Variants in CMTM4 observed in about 807,000 individuals in gnomAD.
The protein encoded by CMTM4 is CKLF-like MARVEL transmembrane domain-containing protein 4.
CMTM4 carries 8 observed loss-of-function variants against 19.0 expected under a neutral mutation model. The observed-to-expected ratio is 0.42, with a 90% CI of 0.25 to 0.76. The LOEUF (loss-of-function observed/expected upper bound fraction) is 0.76. CMTM4 is among the 30% of genes least tolerant of loss of function. The pLI is 0.27. For synonymous variants in CMTM4, 106 were observed against 121.1 expected (o/e 0.88, Z 0.82); for missense variants, 228 against 290.2 (o/e 0.79, Z 1.56).
At position 66,646,368 on chromosome 16, in the gene CMTM4, G is replaced by A. The variant is rs1596928036; in HGVS notation, c.187-9787C>T. Among the ~76,000 whole-genome samples the A allele has an allele frequency of 3.3e-5, 5 of 152,024 alleles. No individual in the cohort carries two copies. The South Asian group carries it at 1.0e-3, about 32-fold the overall frequency. On this transcript the variant is annotated intron_variant, in intron 1 of 3. Coordinates refer to ENST00000394106, the MANE Select transcript of CMTM4 (RefSeq NM_181521.3). ...GAAATATACATATTCATACATATAT[G>A]TATTTATAATACATGCATATAATAT...
rs574566751 is a variant in CMTM4 at position 66,615,543 on chromosome 16, C to G, written c.*6515G>C. 1.3e-5 allele frequency: 2 copies of G among 152,410 alleles called. No individual in the cohort carries two copies. The highest frequency in any genetic ancestry group is 1.9e-4 in the East Asian group (1 of 5,180). 9.4% of individuals were successfully genotyped at this position (152,410 alleles called of 1,614,324 possible). A position where few individuals can be genotyped will look rare whatever the true frequency, so the allele number is the denominator to read the frequency against. On this transcript the variant is annotated 3_prime_UTR_variant, in exon 4 of 4. Transcript: ENST00000394106. This position sits in a 1 kb window ranked among gnomAD's most constrained non-coding sequence, Gnocchi z 4.9. ...CTGAAGCCTGGAAAAGGCCGCCGAG[C>G]CTAGCCAGAGCATCCACAACGAACC...
chr16:66,636,628 C>T (rs753577675), intron 1 of CMTM4, 47 bp from the exon 2 acceptor site: 6 of 1,457,796 alleles, frequency 4.1e-6, no homozygotes, highest in Non-Finnish European at 5.8e-6. Context: ...GTTTAGTATA[C>T]ATCTGCGGAC....
intron 1 of CMTM4, among the ~76,000 whole-genome samples, chr16:66,638,182 T>A (rs1469574591): frequency 1.3e-5 from 2 of 152,206 alleles, no homozygotes; most frequent in African/African-American, 4.8e-5. Flanking sequence ...CCTTACCATC[T>A]TGCAGCCTCT....
At chr16:66,609,548 C>T in the CMTM4 span, 1 of 1,577,844 alleles carries the variant, frequency 6.3e-7, no homozygotes, top group African/African-American at 1.3e-5. The surrounding 1 kb of genome is among the most constrained non-coding windows in gnomAD (Gnocchi z 4.4). Context: ...GCCGCCCCAC[C>T]CCTCTGGAAA....
In CMTM4 at chr16:66,617,359, C is replaced by T. The variant is rs1286383605; in HGVS notation, c.*4699G>A. The T allele has an allele frequency of 3.7e-6, 6 of 1,610,878 alleles. No individual in the cohort carries two copies. The highest frequency in any genetic ancestry group is 1.6e-4 in the Middle Eastern group (1 of 6,078). ...TGTTACGTTTGTGGAGTAGGAAAAA[C>T]TAGAAAGGAAAAAAAAATCCCAAAG... On this transcript the variant is annotated 3_prime_UTR_variant, in exon 4 of 4. Transcript: ENST00000394106.
the CMTM4 span, among the ~76,000 whole-genome samples, chr16:66,601,219 C>A: frequency 6.6e-6 from 1 of 151,982 alleles, no homozygotes. Context: ...GCCAGTGGCA[C>A]CTTTGCCAGA....
intron 1 of CMTM4, among the ~76,000 whole-genome samples, chr16:66,689,308 T>A (rs2017094193): frequency 1.3e-5 from 2 of 152,212 alleles, no homozygotes; most frequent in Non-Finnish European, 2.9e-5. Flanking sequence ...GTTGAAGAAG[T>A]TCCTTTCTCT....
intron 1 of CMTM4, among the ~76,000 whole-genome samples, chr16:66,645,965 C>A (rs550827510): frequency 6.6e-6 from 1 of 152,030 alleles, no homozygotes; most frequent in African/African-American, 2.4e-5. Context: ...GGCGACAGAG[C>A]GAGACTCTGT....
At chr16:66,673,910 T>C (rs1303702889) in intron 1 of CMTM4, among the ~76,000 whole-genome samples, 2 of 152,234 alleles carry the variant, frequency 1.3e-5, no homozygotes, top group Non-Finnish European at 1.5e-5. Context: ...CAAAGTGCCA[T>C]GTGCTGTCTT....
At chr16:66,653,773 T>C (rs1386455121) in intron 1 of CMTM4, among the ~76,000 whole-genome samples, 1 of 152,226 alleles carries the variant, frequency 6.6e-6, no homozygotes, top group Non-Finnish European at 1.5e-5. Context: ...CTTGCTCTGT[T>C]GCCCAGGCTG....
At chr16:66,683,280 T>C (rs571654997) in intron 1 of CMTM4, among the ~76,000 whole-genome samples, 2 of 140,158 alleles carry the variant, frequency 1.4e-5, no homozygotes, top group Non-Finnish European at 3.0e-5. Context: ...CCCATTTTTT[T>C]CTTTTCTTTT....
At chr16:66,633,026 G>A (rs374891737) in intron 2 of CMTM4, among the ~76,000 whole-genome samples, 41 of 150,424 alleles carry the variant, frequency 2.7e-4, no homozygotes, top group African/African-American at 9.3e-4. Flanking sequence ...TGGAGGTTGC[G>A]TTGAGCCAAG....
At chr16:66,598,380 T>G in the CMTM4 span, among the ~76,000 whole-genome samples, 1 of 152,120 alleles carries the variant, frequency 6.6e-6, no homozygotes, top group African/African-American at 2.4e-5. Context: ...TTCTCCTCTT[T>G]CAGCTTCTCT....
intron 1 of CMTM4, among the ~76,000 whole-genome samples, chr16:66,680,547 G>C (rs2016892150): frequency 6.6e-6 from 1 of 151,544 alleles, no homozygotes; most frequent in Non-Finnish European, 1.5e-5. Flanking sequence ...GGCCAAGGCG[G>C]GCAGATCACG....
chr16:66,600,615 C>T, the CMTM4 span, among the ~76,000 whole-genome samples: 1 of 151,770 alleles, frequency 6.6e-6, no homozygotes, highest in African/African-American at 2.4e-5. Flanking sequence ...CCCACCCTTC[C>T]CCCCAAACAC....
At chr16:66,685,885 T>C (rs778690814) in intron 1 of CMTM4, among the ~76,000 whole-genome samples, 3 of 152,094 alleles carry the variant, frequency 2.0e-5, no homozygotes, top group Non-Finnish European at 2.9e-5. Flanking sequence ...GCTCAGGCAA[T>C]CTGTCCACCT....
chr16:66,645,637 A>T (rs1047327062), intron 1 of CMTM4, among the ~76,000 whole-genome samples: 2 of 151,852 alleles, frequency 1.3e-5, no homozygotes, highest in African/African-American at 2.4e-5. Flanking sequence ...AGGACTATGT[A>T]CCCTATGAAT....
intron 1 of CMTM4, among the ~76,000 whole-genome samples, chr16:66,678,898 T>G (rs2016855858): frequency 6.6e-6 from 1 of 151,530 alleles, no homozygotes; most frequent in Non-Finnish European, 1.5e-5. Context: ...AGTCCAGGAG[T>G]TCAAGACCAG....
intron 1 of CMTM4, among the ~76,000 whole-genome samples, chr16:66,683,141 A>ATG (rs1382484881): frequency 3.8e-5 from 5 of 131,892 alleles, no homozygotes; most frequent in South Asian, 4.8e-4. Context: ...ATATATATAT[A>ATG]TATATGTATA....
Sources: allele counts gnomAD v4.1 joint callset (sites outside exome capture counted in the v4.1 genomes callset), GRCh38; gene constraint gnomAD v4.1.1; non-coding constraint Gnocchi (gnomAD v3.1); transcripts MANE v1.5; gene names NCBI Gene and HGNC (gene_info 2026-07-23, HGNC 2026-07-21).